The following PATJ variants were observed in gnomAD, a reference collection of about 807,000 sequenced individuals.
The protein encoded by PATJ is PATJ crumbs cell polarity complex component, also known as inaD-like protein.
PATJ carries 190 observed loss-of-function variants against 224.9 expected under a neutral mutation model. The ratio of observed to expected loss-of-function variants is 0.84; its 90% CI spans 0.75 to 0.95. The LOEUF (loss-of-function observed/expected upper bound fraction) is 0.95, where lower values mean the gene tolerates loss of function less well. Among genes scored for constraint, PATJ ranks in the 40% least tolerant of loss-of-function variants. PATJ has a pLI of 0.00. For missense variants in PATJ, 2,121 were observed against 2,270.3 expected, an observed-to-expected ratio of 0.93 and a Z score of 1.34; for synonymous variants, 769 against 820.3, an observed-to-expected ratio of 0.94 and a Z score of 1.07.
intron 27 of PATJ, among the ~76,000 whole-genome samples, chr1:61,935,660 G>A (rs559569109): frequency 6.6e-6 from 1 of 152,162 alleles, no homozygotes; most frequent in South Asian, 2.1e-4. Flanking sequence ...GTGTGTTGGT[G>A]CATGCCTATG....
chr1:62,058,953 T>C (rs1217788000), intron 31 of PATJ, among the ~76,000 whole-genome samples: 1 of 152,128 alleles, frequency 6.6e-6, no homozygotes, highest in Non-Finnish European at 1.5e-5. Context: ...AATCAGGAGA[T>C]TTTCCATAAA....
At chr1:61,947,554 A>G (rs995479740) in intron 27 of PATJ, among the ~76,000 whole-genome samples, 8 of 152,106 alleles carry the variant, frequency 5.3e-5, no homozygotes, top group Non-Finnish European at 1.2e-4. Context: ...ACTGCTCAAT[A>G]AAATAAAAGA....
At chr1:61,781,893 C>T (rs1570454672) in intron 7 of PATJ, among the ~76,000 whole-genome samples, 1 of 152,208 alleles carries the variant, frequency 6.6e-6, no homozygotes, top group Non-Finnish European at 1.5e-5. Flanking sequence ...GTCCGCTCCC[C>T]ATGGAGTCAT....
At chr1:61,750,953 T>C (rs1036553632) in intron 1 of PATJ, among the ~76,000 whole-genome samples, 18 of 152,164 alleles carry the variant, frequency 1.2e-4, no homozygotes, top group African/African-American at 4.3e-4. Context: ...CCTTGCTTTG[T>C]TTTTACCTTT....
At chr1:62,023,849 CTT>C (rs1316167613) in intron 29 of PATJ, among the ~76,000 whole-genome samples, 1 of 152,128 alleles carries the variant, frequency 6.6e-6, no homozygotes, top group African/African-American at 2.4e-5. Flanking sequence ...AGAGATGGCT[CTT>C]ATCATTTTGA....
chr1:61,794,937 G>A (rs772840198), intron 9 of PATJ, among the ~76,000 whole-genome samples: 35 of 151,868 alleles, frequency 2.3e-4, no homozygotes, highest in Non-Finnish European at 4.7e-4. Context: ...AGCTGAGATC[G>A]TGCCATTGCA....
intron 1 of PATJ, among the ~76,000 whole-genome samples, chr1:61,753,613 G>T (rs1270269708): frequency 6.6e-6 from 1 of 151,562 alleles, no homozygotes; most frequent in Admixed American, 6.6e-5. Flanking sequence ...GGGTTCAAGC[G>T]ATTCTCCTGC....
intron 8 of PATJ, among the ~76,000 whole-genome samples, 178 bp from the exon 9 acceptor site, chr1:61,791,170 G>A (rs1024661225): frequency 4.6e-5 from 7 of 152,138 alleles, no homozygotes; most frequent in Non-Finnish European, 1.0e-4. Flanking sequence ...TCTCCATTTT[G>A]CCATGTAATA....
At chr1:62,104,921 C>T (rs56777178) in intron 33 of PATJ, among the ~76,000 whole-genome samples, 31,233 of 151,984 alleles carry the variant, frequency 0.21, 3,312 homozygotes, top group South Asian at 0.33. Flanking sequence ...ATCCACCCAC[C>T]TCAAGTGATC....
At chr1:61,777,291 G>A (rs1286489540) in intron 7 of PATJ, among the ~76,000 whole-genome samples, 5 of 152,206 alleles carry the variant, frequency 3.3e-5, no homozygotes, top group East Asian at 1.9e-4. Context: ...AAGGCTGGGC[G>A]TGGTGGCTCA....
intron 31 of PATJ, among the ~76,000 whole-genome samples, chr1:62,076,032 A>G (rs2148710556): frequency 6.6e-6 from 1 of 152,234 alleles, no homozygotes; most frequent in South Asian, 2.1e-4. Flanking sequence ...AGGAACACCT[A>G]GAGAGCTTTA....
chr1:62,029,604 A>G (rs1045308654), intron 29 of PATJ, among the ~76,000 whole-genome samples: 2 of 152,250 alleles, frequency 1.3e-5, no homozygotes, highest in Non-Finnish European at 2.9e-5. Flanking sequence ...TATGACATAT[A>G]TGTGCATCCA....
chr1:62,156,348 G>A (rs955273744), intron 43 of PATJ, among the ~76,000 whole-genome samples: 2 of 151,314 alleles, frequency 1.3e-5, no homozygotes, highest in Admixed American at 6.6e-5. Flanking sequence ...TGGCCAACAT[G>A]GTGAAACCCT....
intron 38 of PATJ, among the ~76,000 whole-genome samples, chr1:62,121,851 A>G (rs564598322): frequency 6.6e-6 from 1 of 152,166 alleles, no homozygotes; most frequent in African/African-American, 2.4e-5. Context: ...GCTGGAGTGC[A>G]TGGTAAAATA....
chr1:62,034,747 G>A lies in PATJ; in HGVS notation c.3960-3230G>A, dbSNP rs559284072. 7.9e-4 allele frequency among the ~76,000 whole-genome samples: 120 copies of A among 151,998 alleles called. 2 individuals are homozygous for A. Among genetic ancestry groups the A allele is most frequent in the African/African-American group, 2.8e-3 (117 of 41,418 alleles). On this transcript the variant is annotated intron_variant, in intron 29 of 43. Coordinates refer to ENST00000642238, the MANE Select transcript of PATJ (RefSeq NM_001350145.3). Reference sequence around the variant, plus strand: ...CTTCTTTTCAGTGAGAGTAATTGTCGGTTTTCTATTATGTAAGGTTAAAAA... The same window carrying A: ...CTTCTTTTCAGTGAGAGTAATTGTCAGTTTTCTATTATGTAAGGTTAAAAA...
At chr1:62,096,710 G>A (rs146145266) in intron 33 of PATJ, among the ~76,000 whole-genome samples, 2,961 of 152,104 alleles carry the variant, frequency 0.019, 100 homozygotes, top group African/African-American at 0.068. Context: ...CCTCCTCCCG[G>A]GTTCAAGTGA....
chr1:62,054,318 G>C (rs1183931306), intron 31 of PATJ: 1 of 430,174 alleles, frequency 2.3e-6, no homozygotes, highest in Non-Finnish European at 4.7e-6. Flanking sequence ...AGCTGTGATT[G>C]TGCCACTGCA....
intron 32 of PATJ, among the ~76,000 whole-genome samples, chr1:62,083,835 T>C (rs999981170): frequency 1.3e-5 from 2 of 152,246 alleles, no homozygotes; most frequent in Non-Finnish European, 2.9e-5. Flanking sequence ...TCTTAATTAG[T>C]ATCCTATAGC....
chr1:62,032,841 G>A (rs1403271715), intron 29 of PATJ, among the ~76,000 whole-genome samples: 1 of 152,124 alleles, frequency 6.6e-6, no homozygotes, highest in Admixed American at 6.6e-5. Flanking sequence ...GTCTGGGGGG[G>A]CCTCAAGAAA....
Sources: gnomAD v4.1 joint callset for allele counts (sites outside exome capture counted in the v4.1 genomes callset) on GRCh38, gnomAD v4.1.1 for gene constraint, MANE v1.5 for transcripts, NCBI Gene and HGNC (gene_info 2026-07-23, HGNC 2026-07-21) for gene names.